RCC2: variants seen among roughly 807,000 people sequenced by gnomAD.
The protein encoded by RCC2 is protein RCC2.
RCC2 carries 19 observed loss-of-function variants against 64.1 expected under a neutral mutation model. That is an observed-to-expected ratio of 0.30 (90% CI 0.21 to 0.44). RCC2 has a LOEUF of 0.44. RCC2 is among the 20% of genes least tolerant of loss of function. RCC2 has a pLI of 1.00. For synonymous variants in RCC2, 325 were observed against 279.6 expected (o/e 1.16, Z -1.62); for missense variants, 508 against 710.4 (o/e 0.72, Z 3.24).
At chr1:17,438,626 CTCCCCAA>C in intron 1 of RCC2, 104 bp from the exon 2 acceptor site, 1 of 1,158,822 alleles carries the variant, frequency 8.6e-7, no homozygotes, top group Non-Finnish European at 1.1e-6. Flanking sequence ...CTCCTCTGCC[CTCCCCAA>C]AGTGGCGGCC....
intron 11 of RCC2, among the ~76,000 whole-genome samples, chr1:17,411,817 A>C (rs574150083): frequency 1.1e-4 from 17 of 152,288 alleles, no homozygotes; most frequent in South Asian, 1.0e-3. Flanking sequence ...GAGAGGGAAC[A>C]AACAGGCCCT....
At chr1:17,435,300 C>T (rs984334626) in intron 2 of RCC2, among the ~76,000 whole-genome samples, 1 of 152,256 alleles carries the variant, frequency 6.6e-6, no homozygotes, top group Non-Finnish European at 1.5e-5. Context: ...TCATCTTCTA[C>T]AAGCCCGACA....
In RCC2 at chr1:17,410,628, G is replaced by C. The variant is rs894884208; in HGVS notation, c.1387-577C>G. 6.6e-5 allele frequency among the ~76,000 whole-genome samples: 10 copies of C among 152,290 alleles called. No individual in the cohort carries two copies. In the East Asian group the frequency reaches 1.9e-3, roughly 29 times the overall value. Reference sequence around the variant, plus strand: ...TGCAAAGGTGTGGAGCTGGGCAATTGAAAGACTGAAGGCCCTGGCTCAGGT... The same window carrying C: ...TGCAAAGGTGTGGAGCTGGGCAATTCAAAGACTGAAGGCCCTGGCTCAGGT... On this transcript the variant is annotated intron_variant, in intron 11 of 12. Coordinates refer to ENST00000375436, the MANE Select transcript of RCC2 (RefSeq NM_018715.4).
At chr1:17,428,302 T>C (rs1226433991) in intron 3 of RCC2, among the ~76,000 whole-genome samples, 2 of 152,268 alleles carry the variant, frequency 1.3e-5, no homozygotes, top group Non-Finnish European at 2.9e-5. Flanking sequence ...CCCCTCTGGC[T>C]TGGGCCTGAA....
At position 17,420,654 on chromosome 1, in the gene RCC2, T is replaced by G. The variant is rs1435243846; in HGVS notation, c.859+60A>C. ...ACACGTGTGTGCAGCCCCACACTGA[T>G]CTCTAGTTCTGAATATATACAGTTA... On this transcript the variant is annotated intron_variant, in intron 7 of 12. Coordinates refer to ENST00000375436, the MANE Select transcript of RCC2 (RefSeq NM_018715.4). 1.4e-5 allele frequency: 15 copies of G among 1,076,080 alleles called. No homozygotes were observed. In the East Asian group the frequency reaches 3.6e-4, roughly 26 times the overall value. 66.7% of individuals were successfully genotyped at this position (1,076,080 alleles called of 1,614,324 possible). A position where few individuals can be genotyped will look rare whatever the true frequency, so the allele number is the denominator to read the frequency against.
At chr1:17,417,940 C>G (rs1299843839) in intron 7 of RCC2, among the ~76,000 whole-genome samples, 2 of 152,102 alleles carry the variant, frequency 1.3e-5, no homozygotes, top group Admixed American at 6.5e-5. Flanking sequence ...TAAGACCATA[C>G]AGTAGAACTA....
At position 17,439,571 on chromosome 1, in the gene RCC2, A is replaced by AG. The variant is rs1218197933; in HGVS notation, c.-36dup. 2.0e-5 allele frequency: 3 copies of AG among 148,962 alleles called. No homozygotes were observed. Among genetic ancestry groups the AG allele is most frequent in the African/African-American group, 7.3e-5 (3 of 40,938 alleles). The allele number at this position is 148,962 out of a possible 1,614,324, so 9.2% of individuals were successfully genotyped here. The stretch of plus-strand genomic sequence containing the variant: ...TGGTTGGAGTGATGAGAAACCGGAG[A>AG]GAAAAAAGGAAGAGAAGCAACTAAA... On this transcript the variant is annotated 5_prime_UTR_variant, in exon 1 of 13. Coordinates refer to ENST00000375436, the MANE Select transcript of RCC2 (RefSeq NM_018715.4).
At chr1:17,428,049 C>G (rs2075636586) in intron 3 of RCC2, among the ~76,000 whole-genome samples, 3 of 152,190 alleles carry the variant, frequency 2.0e-5, no homozygotes, top group Non-Finnish European at 2.9e-5. Flanking sequence ...CGGGAGGCAA[C>G]AGAGTTAACT....
chr1:17,439,372 T>C (rs2075781650), intron 1 of RCC2, among the ~76,000 whole-genome samples, 173 bp downstream of exon 1: 1 of 149,098 alleles, frequency 6.7e-6, no homozygotes, highest in Admixed American at 6.6e-5. Flanking sequence ...ATGGGATCTC[T>C]GTCTGTCTCC....
At chr1:17,431,359 A>AAAAAAAT (rs1553158471) in intron 2 of RCC2, among the ~76,000 whole-genome samples, 1 of 44,934 alleles carries the variant, frequency 2.2e-5, no homozygotes, top group African/African-American at 1.1e-4. Flanking sequence ...AAAAAAAAAA[A>AAAAAAAT]ATATATATAT....
chr1:17,429,131 A>ACCAATC lies in RCC2; in HGVS notation c.348_353dup (p.Ile117_Gly118dup). 6.2e-7 allele frequency: 1 copy of ACCAATC among 1,614,142 alleles called. No individual in the cohort carries two copies. The highest frequency in any genetic ancestry group is 8.5e-7 in the Non-Finnish European group (1 of 1,179,992). ...CTTGCTGTTTAGGCACTTCTTTTCG[A>ACCAATC]CCAATCAAGTCCCAGTTGGTTGCCC... is the stretch of plus-strand genomic sequence containing the variant. On this transcript the variant is annotated inframe_insertion, in exon 3 of 13. Transcript: ENST00000375436.
chr1:17,424,352 G>A (rs1325413849), intron 4 of RCC2, among the ~76,000 whole-genome samples: 5 of 152,318 alleles, frequency 3.3e-5, no homozygotes, highest in Middle Eastern at 3.4e-3. Flanking sequence ...GAGCCACCAC[G>A]CAAGTGAAGC....
At chr1:17,412,656 G>T (rs185487523) in intron 10 of RCC2, among the ~76,000 whole-genome samples, 248 of 152,346 alleles carry the variant, frequency 1.6e-3, no homozygotes, top group Admixed American at 3.9e-3. Flanking sequence ...TCCTCAGCAA[G>T]AAGTGCTAGC....
At position 17,408,882 on chromosome 1, in the gene RCC2, G is replaced by A; in HGVS notation, c.*208C>T. The stretch of plus-strand genomic sequence containing the variant: ...AGCAAGTATTTTAATTCAACATTAA[G>A]GGAAAAAAAAGGACTTTGGAAAGCA... On this transcript the variant is annotated 3_prime_UTR_variant, in exon 13 of 13. Transcript: ENST00000375436. 2 of 523,692 alleles carry A rather than the reference G, an allele frequency of 3.8e-6. No individual in the cohort carries two copies. The highest frequency in any genetic ancestry group is 6.8e-6 in the Non-Finnish European group (2 of 293,380). The allele number at this position is 523,692 out of a possible 1,614,324, so 32.4% of individuals were successfully genotyped here. A position where few individuals can be genotyped will look rare whatever the true frequency, so the allele number is the denominator to read the frequency against.
intron 2 of RCC2, among the ~76,000 whole-genome samples, chr1:17,431,359 A>AAAATATAT (rs1553158471): frequency 2.2e-4 from 10 of 44,926 alleles, no homozygotes; most frequent in African/African-American, 8.5e-4. Context: ...AAAAAAAAAA[A>AAAATATAT]ATATATATAT....
At chr1:17,433,272 T>C (rs1294783673) in intron 2 of RCC2, among the ~76,000 whole-genome samples, 1 of 152,278 alleles carries the variant, frequency 6.6e-6, no homozygotes, top group Non-Finnish European at 1.5e-5. Flanking sequence ...TATAACTTCT[T>C]TCCTCTGCCT....
chr1:17,438,391 A>T lies in RCC2; in HGVS notation c.124T>A (p.Cys42Ser). The stretch of plus-strand genomic sequence containing the variant: ...CTGCCGCCGCCGCTGCTGCTACTGC[A>T]GCGCTCGGGCCGCTCGCGCTTCCTG... ...AGRKRERPER[C>S]SSSSGGGSSG... The change falls in exon 2 of 13, where the codon TGC (cysteine) becomes AGC (serine). Residue 42 changes from cysteine (C) to serine (S), a missense_variant. By Grantham distance (112) the Cys-to-Ser change is moderately radical. Transcript: ENST00000375436. The T allele has an allele frequency of 3.2e-6, 4 of 1,259,080 alleles. No individual in the cohort carries two copies. Among genetic ancestry groups the T allele is most frequent in the Non-Finnish European group, 4.0e-6 (4 of 1,006,726 alleles). The allele number at this position is 1,259,080 out of a possible 1,614,324, so 78.0% of individuals were successfully genotyped here.
In RCC2 at chr1:17,406,879, C is replaced by CTT. The variant is rs1320369988; in HGVS notation, c.*2209_*2210dup. The stretch of plus-strand genomic sequence containing the variant: ...ACCTTCGACCAAATCACAACCTCCT[C>CTT]TTTGATTCCCCTTCACGCTAAGCCT... On this transcript the variant is annotated 3_prime_UTR_variant, in exon 13 of 13. Coordinates refer to ENST00000375436, the MANE Select transcript of RCC2 (RefSeq NM_018715.4). 2 of 152,244 alleles carry CTT rather than the reference C, an allele frequency of 1.3e-5. No individual in the cohort carries two copies. The highest frequency in any genetic ancestry group is 4.8e-5 in the African/African-American group (2 of 41,454). 9.4% of individuals were successfully genotyped at this position (152,244 alleles called of 1,614,324 possible). A position where few individuals can be genotyped will look rare whatever the true frequency, so the allele number is the denominator to read the frequency against.
Position 17,408,876 on chromosome 1 carries a change from C to A in RCC2, c.*214G>T. 2.0e-6 allele frequency: 1 copy of A among 501,810 alleles called. No individual in the cohort carries two copies. Among genetic ancestry groups the A allele is most frequent in the Non-Finnish European group, 3.6e-6 (1 of 281,304 alleles). The allele number at this position is 501,810 out of a possible 1,614,324, so 31.1% of individuals were successfully genotyped here. ...ACTATGAGCAAGTATTTTAATTCAA[C>A]ATTAAGGGAAAAAAAAGGACTTTGG... On this transcript the variant is annotated 3_prime_UTR_variant, in exon 13 of 13. Coordinates refer to ENST00000375436, the MANE Select transcript of RCC2 (RefSeq NM_018715.4).
Sources: gnomAD v4.1 joint callset for allele counts (sites outside exome capture counted in the v4.1 genomes callset) on GRCh38, gnomAD v4.1.1 for gene constraint, MANE v1.5 for transcripts, NCBI Gene and HGNC (gene_info 2026-07-23, HGNC 2026-07-21) for gene names.